CORIN: variants seen among roughly 807,000 people sequenced by gnomAD.
The protein encoded by CORIN is corin, serine peptidase.
In CORIN, 117 loss-of-function variants were observed where a neutral mutation model predicts 125.3. The observed-to-expected ratio is 0.93, with a 90% CI of 0.80 to 1.09. CORIN has a LOEUF of 1.09. Ranked by LOEUF, CORIN falls within the 50% of genes least tolerant of loss-of-function variation. The pLI is 0.00. For missense variants in CORIN, 1,253 were observed against 1,306.7 expected (o/e 0.96, Z 0.63); for synonymous variants, 450 against 466.4 (o/e 0.96, Z 0.45).
intron 3 of CORIN, 86 bp from the exon 4 acceptor site, chr4:47,763,672 A>C (rs1221704924): frequency 8.2e-7 from 1 of 1,221,444 alleles, no homozygotes; most frequent in African/African-American, 1.5e-5. Flanking sequence ...TTATAAGATA[A>C]AGTATACTTA....
At chr4:47,612,992 A>G (rs563636431) in intron 19 of CORIN, among the ~76,000 whole-genome samples, 2 of 152,340 alleles carry the variant, frequency 1.3e-5, no homozygotes, top group East Asian at 3.9e-4. Context: ...CAAGTTTCAG[A>G]ATGTTTCAGG....
chr4:47,669,400 C>T (rs1386741045), intron 10 of CORIN, among the ~76,000 whole-genome samples: 3 of 150,908 alleles, frequency 2.0e-5, no homozygotes, highest in East Asian at 1.9e-4. Flanking sequence ...CTCTAAATCC[C>T]TCTTTAACAT....
chr4:47,675,770 G>C (rs73142045), intron 9 of CORIN, among the ~76,000 whole-genome samples: 2 of 152,082 alleles, frequency 1.3e-5, no homozygotes, highest in Non-Finnish European at 2.9e-5. Flanking sequence ...TGGGGGTCTT[G>C]CTATATTGCC....
chr4:47,702,723 G>GA (rs201900990), intron 5 of CORIN, among the ~76,000 whole-genome samples: 2,429 of 151,532 alleles, frequency 0.016, 76 homozygotes, highest in African/African-American at 0.055. Flanking sequence ...ACCAGAAATA[G>GA]AAAAAAAACA....
chr4:47,834,988 G>A lies in CORIN; in HGVS notation c.63+2899C>T, dbSNP rs1733310855. The stretch of plus-strand genomic sequence containing the variant: ...GCGGTTCTTAAGGGGCAGAGTCAGA[G>A]GTCTGACACCAAAGCTCCTACTCTT... On this transcript the variant is annotated intron_variant, in intron 1 of 21. Coordinates refer to ENST00000273857, the MANE Select transcript of CORIN (RefSeq NM_006587.4). 3.9e-5 allele frequency among the ~76,000 whole-genome samples: 6 copies of A among 152,118 alleles called. No individual in the cohort carries two copies. In the South Asian group the frequency reaches 1.2e-3, roughly 32 times the overall value.
At chr4:47,750,351 T>C (rs1728843676) in intron 4 of CORIN, among the ~76,000 whole-genome samples, 1 of 152,210 alleles carries the variant, frequency 6.6e-6, no homozygotes, top group African/African-American at 2.4e-5. Context: ...TGGTATTTTT[T>C]GGTCACATTG....
chr4:47,670,421 G>A (rs1261648025), intron 10 of CORIN, among the ~76,000 whole-genome samples: 2 of 152,094 alleles, frequency 1.3e-5, no homozygotes. Context: ...CCATTATAGT[G>A]ATTGGCTTCT....
At chr4:47,804,432 C>T (rs1731674780) in intron 2 of CORIN, among the ~76,000 whole-genome samples, 1 of 152,084 alleles carries the variant, frequency 6.6e-6, no homozygotes, top group African/African-American at 2.4e-5. Flanking sequence ...ACTGATCACA[C>T]TCGTCAATAT....
intron 16 of CORIN, among the ~76,000 whole-genome samples, chr4:47,626,742 G>A (rs181520648): frequency 2.6e-5 from 4 of 152,284 alleles, no homozygotes; most frequent in African/African-American, 9.6e-5. Flanking sequence ...TAATGTGTAT[G>A]ATACAAAAGT....
At chr4:47,634,828 T>C (rs1424055178) in intron 16 of CORIN, among the ~76,000 whole-genome samples, 8 of 152,134 alleles carry the variant, frequency 5.3e-5, no homozygotes, top group African/African-American at 1.7e-4. Flanking sequence ...TGCTCCCATT[T>C]GGAGCCCAAG....
chr4:47,606,936 G>A (rs1006049898), intron 19 of CORIN, among the ~76,000 whole-genome samples: 5 of 152,080 alleles, frequency 3.3e-5, no homozygotes, highest in African/African-American at 9.7e-5. Context: ...CTTGAATAGC[G>A]TTACTAAGTT....
In CORIN at chr4:47,603,445, G is replaced by C; in HGVS notation, c.2764C>G (p.Pro922Ala). Reference sequence around the variant, plus strand: ...CCTGTGATATAGCAGTACGTGTCAGGCTCTAGCCACTGCTCCGGGTTGGGC... The same window carrying C: ...CCTGTGATATAGCAGTACGTGTCAGCCTCTAGCCACTGCTCCGGGTTGGGC... ...CLPNPEQWLE[P>A]DTYCYITGWG... The change falls in exon 20 of 22, where the codon CCT (proline) becomes GCT (alanine). Residue 922 changes from proline (P) to alanine (A), a missense_variant. Pro to Ala is a conservative substitution (Grantham distance 27). Transcript: ENST00000273857. 6.2e-7 allele frequency: 1 copy of C among 1,614,158 alleles called. No individual in the cohort carries two copies.
In CORIN at chr4:47,603,652, C is replaced by T. The variant is rs376924333; in HGVS notation, c.2557G>A (p.Val853Ile). Residue 853 changes from valine to isoleucine, a missense_variant, in exon 20 of 22, where the codon GTT becomes ATT. Coordinates refer to ENST00000273857, the MANE Select transcript of CORIN (RefSeq NM_006587.4). ...TTGATGCCAAGCACCACTTTCCAAACTGCAGCATTCTCTCTCCTAAAATTA... is the reference window on the plus strand; with the variant it reads ...TTGATGCCAAGCACCACTTTCCAAATTGCAGCATTCTCTCTCCTAAAATTA... ...HCFEGRENAA[V>I]WKVVLGINNL... is the part of the protein sequence containing the mutation. The T allele has an allele frequency of 6.2e-7, 1 of 1,613,168 alleles. No homozygotes were observed. The highest frequency in any genetic ancestry group is 1.3e-5 in the African/African-American group (1 of 74,930).
chr4:47,781,889 G>T (rs1730563271), intron 3 of CORIN, among the ~76,000 whole-genome samples: 1 of 152,006 alleles, frequency 6.6e-6, no homozygotes, highest in Admixed American at 6.6e-5. Context: ...AGTGAGCCGA[G>T]ATCATGCCAC....
intron 17 of CORIN, among the ~76,000 whole-genome samples, chr4:47,624,672 G>T (rs1560477550): frequency 2.0e-5 from 3 of 152,126 alleles, no homozygotes; most frequent in Non-Finnish European, 4.4e-5. Context: ...AACTTTGAAT[G>T]CAAGAACATG....
intron 1 of CORIN, among the ~76,000 whole-genome samples, chr4:47,817,143 A>G (rs1034202901): frequency 3.3e-5 from 5 of 152,118 alleles, no homozygotes; most frequent in Non-Finnish European, 7.4e-5. Context: ...AATAATCATT[A>G]TGTCTCTTAA....
chr4:47,772,286 C>G (rs995994763), intron 3 of CORIN, among the ~76,000 whole-genome samples: 1 of 152,098 alleles, frequency 6.6e-6, no homozygotes, highest in African/African-American at 2.4e-5. Context: ...AGAAATGAGC[C>G]GTAATATAGG....
chr4:47,637,984 C>T (rs1428873653), intron 16 of CORIN, among the ~76,000 whole-genome samples: 1 of 152,222 alleles, frequency 6.6e-6, no homozygotes, highest in Non-Finnish European at 1.5e-5. Flanking sequence ...CCCTGCAAAG[C>T]CACAGGGGCA....
chr4:47,595,853 T>C lies in CORIN; in HGVS notation c.2997A>G (p.Thr999=). The C allele has an allele frequency of 6.2e-7, 1 of 1,613,796 alleles. No homozygotes were observed. The highest frequency in any genetic ancestry group is 8.5e-7 in the Non-Finnish European group (1 of 1,179,832). ...LVCEKPGGRW[T]LFGLTSWGSV... is the part of the protein sequence containing the mutation. ...AGCCCCATGAAGTTAATCCAAATAA[T>C]GTCCACCGTCCTCCAGGCTTCTCAC... The change falls in exon 22 of 22, where the codon ACA becomes ACG. Residue 999 remains threonine (T), a synonymous_variant. Coordinates refer to ENST00000273857, the MANE Select transcript of CORIN (RefSeq NM_006587.4).
Sources: allele counts gnomAD v4.1 joint callset (sites outside exome capture counted in the v4.1 genomes callset), GRCh38; gene constraint gnomAD v4.1.1; transcripts MANE v1.5; gene names NCBI Gene and HGNC (gene_info 2026-07-23, HGNC 2026-07-21).